SIPA1L1: variants seen among roughly 807,000 people sequenced by gnomAD.
The protein encoded by SIPA1L1 is signal-induced proliferation-associated 1-like protein 1.
SIPA1L1 carries 26 observed loss-of-function variants against 162.7 expected under a neutral mutation model. The ratio of observed to expected loss-of-function variants is 0.16; its 90% CI spans 0.12 to 0.22. The LOEUF is 0.22. Ranked by LOEUF, SIPA1L1 falls within the 10% of genes least tolerant of loss-of-function variation. SIPA1L1 has a pLI of 1.00. For missense variants in SIPA1L1, 1,874 were observed against 2,241.0 expected, an observed-to-expected ratio of 0.84 and a Z score of 3.31; for synonymous variants, 829 against 837.4, an observed-to-expected ratio of 0.99 and a Z score of 0.17.
At chr14:71,646,504 T>G (rs1056088983) in intron 7 of SIPA1L1, among the ~76,000 whole-genome samples, 2 of 152,232 alleles carry the variant, frequency 1.3e-5, no homozygotes, top group Non-Finnish European at 2.9e-5. Context: ...GTGCCTATTG[T>G]ATGAGAGGAA....
chr14:71,672,293 C>A, intron 11 of SIPA1L1, 55 bp from the exon 12 acceptor site: 1 of 1,561,358 alleles, frequency 6.4e-7, no homozygotes, highest in South Asian at 1.1e-5. Flanking sequence ...GTTCCATGTC[C>A]ACCACTTAAT....
intron 16 of SIPA1L1, among the ~76,000 whole-genome samples, chr14:71,707,462 G>T (rs909984741): frequency 1.3e-5 from 2 of 152,026 alleles, no homozygotes; most frequent in Non-Finnish European, 2.9e-5. Context: ...CACCACCACC[G>T]ACTGCTTGTC....
intron 3 of SIPA1L1, among the ~76,000 whole-genome samples, chr14:71,513,487 T>C (rs958725441): frequency 2.6e-5 from 4 of 151,994 alleles, no homozygotes; most frequent in African/African-American, 9.7e-5. Flanking sequence ...TTGACCGATT[T>C]TTGTTTTGTT....
At chr14:71,446,647 A>G (rs1422563242) in intron 2 of SIPA1L1, among the ~76,000 whole-genome samples, 2 of 152,096 alleles carry the variant, frequency 1.3e-5, no homozygotes, top group South Asian at 2.1e-4. Flanking sequence ...ATCAGTCTTC[A>G]GTGTTTTTTT....
chr14:71,692,076 G>A (rs1261936289), intron 13 of SIPA1L1, among the ~76,000 whole-genome samples: 1 of 152,082 alleles, frequency 6.6e-6, no homozygotes, highest in Non-Finnish European at 1.5e-5. Flanking sequence ...CTTTCCACAC[G>A]AAGAGTTTCC....
chr14:71,341,501 TC>T (rs1351876558), intron 2 of SIPA1L1, among the ~76,000 whole-genome samples: 1 of 152,232 alleles, frequency 6.6e-6, no homozygotes, highest in East Asian at 1.9e-4. Flanking sequence ...CAGATTTTTT[TC>T]TCCCCAACTT....
At chr14:71,361,982 C>T (rs149883589) in intron 2 of SIPA1L1, among the ~76,000 whole-genome samples, 83 of 152,272 alleles carry the variant, frequency 5.5e-4, no homozygotes, top group African/African-American at 1.2e-3. Flanking sequence ...TAGGTGGACA[C>T]GCAGACATAC....
At chr14:71,330,615 G>T in intron 2 of SIPA1L1, 1 of 968,934 alleles carries the variant, frequency 1.0e-6, no homozygotes, top group Non-Finnish European at 1.7e-6. Context: ...TCTTCAGTGT[G>T]ATGGTTTGGG....
chr14:71,733,353 G>T (rs1482837633), intron 20 of SIPA1L1, among the ~76,000 whole-genome samples: 1 of 152,212 alleles, frequency 6.6e-6, no homozygotes, highest in African/African-American at 2.4e-5. Context: ...GTAGATGCTA[G>T]TGCTGCCTAG....
intron 2 of SIPA1L1, among the ~76,000 whole-genome samples, chr14:71,480,522 G>A (rs963805408): frequency 4.6e-5 from 7 of 151,320 alleles, no homozygotes; most frequent in African/African-American, 1.7e-4. Flanking sequence ...AGCATTTTGG[G>A]AGGCCTAGTT....
At chr14:71,550,865 A>G (rs1167262012) in intron 4 of SIPA1L1, among the ~76,000 whole-genome samples, 2 of 152,184 alleles carry the variant, frequency 1.3e-5, no homozygotes, top group Non-Finnish European at 2.9e-5. Context: ...AGCCTGAGCA[A>G]CAAAGCGAGA....
At chr14:71,644,008 A>G (rs1478626401) in intron 7 of SIPA1L1, among the ~76,000 whole-genome samples, 1 of 152,086 alleles carries the variant, frequency 6.6e-6, no homozygotes, top group African/African-American at 2.4e-5. Flanking sequence ...GGATTTCACC[A>G]TGTTAGTCAG....
Position 71,691,996 on chromosome 14 carries a change from A to G in SIPA1L1, c.3374+6365A>G, listed in dbSNP as rs182148393. Among the ~76,000 whole-genome samples, 4 of 152,350 alleles carry G rather than the reference A, an allele frequency of 2.6e-5. No individual in the cohort carries two copies. In the East Asian group the frequency reaches 7.7e-4, roughly 29 times the overall value. ...CCAGCCACAGACTCTGGCATTTAAT[A>G]GGCTCCCAATGCTTTTTTTAAGAAG... is the stretch of plus-strand genomic sequence containing the variant. On this transcript the variant is annotated intron_variant, in intron 13 of 23. Coordinates refer to ENST00000381232, the MANE Select transcript of SIPA1L1 (RefSeq NM_001386936.1).
intron 2 of SIPA1L1, among the ~76,000 whole-genome samples, chr14:71,342,770 C>G (rs1462654068): frequency 6.6e-6 from 1 of 152,154 alleles, no homozygotes; most frequent in Non-Finnish European, 1.5e-5. Context: ...TTTGAGATTT[C>G]TCTTTCATGT....
At chr14:71,510,187 T>TA (rs1471382355) in intron 2 of SIPA1L1, among the ~76,000 whole-genome samples, 2 of 142,560 alleles carry the variant, frequency 1.4e-5, no homozygotes, top group African/African-American at 5.3e-5. Context: ...CTTTTTTTTT[T>TA]TTTTTTTTTT....
intron 2 of SIPA1L1, among the ~76,000 whole-genome samples, chr14:71,351,396 A>G (rs1203911600): frequency 6.6e-6 from 1 of 152,216 alleles, no homozygotes; most frequent in Non-Finnish European, 1.5e-5. Context: ...TAAAGGTACC[A>G]TGATAGGTTG....
intron 10 of SIPA1L1, among the ~76,000 whole-genome samples, chr14:71,669,373 T>A (rs964041281): frequency 6.6e-6 from 1 of 152,234 alleles, no homozygotes; most frequent in African/African-American, 2.4e-5. Flanking sequence ...CACCCCCTGC[T>A]AAACATTTTG....
chr14:71,556,899 G>A (rs978353390), intron 4 of SIPA1L1, among the ~76,000 whole-genome samples: 3 of 152,180 alleles, frequency 2.0e-5, no homozygotes, highest in Non-Finnish European at 4.4e-5. Context: ...CCTTCCCGTA[G>A]GATATGGAGC....
intron 2 of SIPA1L1, among the ~76,000 whole-genome samples, chr14:71,425,914 A>G (rs893143834): frequency 6.6e-6 from 1 of 152,094 alleles, no homozygotes; most frequent in African/African-American, 2.4e-5. Flanking sequence ...ATATCTTGCT[A>G]TATTGTATTT....
Sources: gnomAD v4.1 joint callset for allele counts (sites outside exome capture counted in the v4.1 genomes callset) on GRCh38, gnomAD v4.1.1 for gene constraint, MANE v1.5 for transcripts, NCBI Gene and HGNC (gene_info 2026-07-23, HGNC 2026-07-21) for gene names.